The following NUP153 variants were observed in gnomAD, a reference collection of about 807,000 sequenced individuals.
NUP153 encodes nuclear pore complex protein Nup153.
NUP153 carries 27 observed loss-of-function variants against 134.6 expected under a neutral mutation model. The observed-to-expected ratio is 0.20, with a 90% CI of 0.15 to 0.28. The LOEUF is 0.28. NUP153 is among the 10% of genes least tolerant of loss of function. The pLI is 1.00. For synonymous variants in NUP153, 640 were observed against 623.5 expected (o/e 1.03, Z -0.40); for missense variants, 1,821 against 1,731.3 (o/e 1.05, Z -0.92).
At chr6:17,641,506 G>T (rs528243241) in intron 14 of NUP153, among the ~76,000 whole-genome samples, 3 of 152,222 alleles carry the variant, frequency 2.0e-5, no homozygotes, top group African/African-American at 7.2e-5. Flanking sequence ...CTGTACTCCA[G>T]CCTGGTGACA....
At chr6:17,693,078 C>T (rs1769380674) in intron 1 of NUP153, among the ~76,000 whole-genome samples, 1 of 151,984 alleles carries the variant, frequency 6.6e-6, no homozygotes, top group South Asian at 2.1e-4. Flanking sequence ...CCTAGTGTTT[C>T]CCAAACTTTA....
Position 17,654,324 on chromosome 6 carries a change from A to AT in NUP153, c.1396-5025dup, listed in dbSNP as rs34451625. Among the ~76,000 whole-genome samples, 712 of 145,032 alleles carry AT rather than the reference A, an allele frequency of 4.9e-3. 2 individuals are homozygous for AT. The highest frequency in any genetic ancestry group is 7.8e-3 in the African/African-American group (312 of 39,752). On this transcript the variant is annotated intron_variant, in intron 11 of 21. Transcript: ENST00000262077. ...TCCTTATATTACTGACCTTGAACCA[A>AT]TTTTTTTTTTTTTTGAGACGGAGTT...
chr6:17,703,937 G>A (rs1770290662), intron 1 of NUP153, among the ~76,000 whole-genome samples: 2 of 152,194 alleles, frequency 1.3e-5, no homozygotes, highest in Admixed American at 1.3e-4. Flanking sequence ...GATCATAGGT[G>A]TTATGCTGTT....
At chr6:17,689,433 A>C (rs910224590) in intron 1 of NUP153, among the ~76,000 whole-genome samples, 2 of 152,024 alleles carry the variant, frequency 1.3e-5, no homozygotes, top group Admixed American at 1.3e-4. Context: ...AAACAATCCA[A>C]CAAAAATAAA....
intron 9 of NUP153, 88 bp downstream of exon 9, chr6:17,665,151 G>T: frequency 2.1e-6 from 2 of 946,130 alleles, no homozygotes; most frequent in South Asian, 1.8e-5. Context: ...ACAGTTGCTA[G>T]AATACAATGG....
At chr6:17,667,708 G>A (rs1490216551) in intron 8 of NUP153, among the ~76,000 whole-genome samples, 6 of 152,010 alleles carry the variant, frequency 3.9e-5, no homozygotes, top group South Asian at 2.1e-4. Flanking sequence ...AGAGCGAGAC[G>A]CTGCCTCAAA....
chr6:17,681,458 G>A (rs1475850456), intron 2 of NUP153, among the ~76,000 whole-genome samples: 5 of 152,082 alleles, frequency 3.3e-5, no homozygotes, highest in African/African-American at 4.8e-5. Context: ...GGTGGCGGGC[G>A]CCTGTAGTCC....
intron 17 of NUP153, among the ~76,000 whole-genome samples, chr6:17,630,984 C>T (rs1032571407): frequency 6.6e-6 from 1 of 152,104 alleles, no homozygotes; most frequent in African/African-American, 2.4e-5. Context: ...TACCACACTA[C>T]AGGTAGAGAA....
intron 1 of NUP153, among the ~76,000 whole-genome samples, chr6:17,691,055 T>C (rs907498864): frequency 1.3e-5 from 2 of 151,944 alleles, no homozygotes; most frequent in Non-Finnish European, 2.9e-5. Flanking sequence ...GGCAGGAAAA[T>C]TGCTTGGAAC....
At position 17,691,673 on chromosome 6, in the gene NUP153, G is replaced by A. The variant is rs12212627; in HGVS notation, c.112-3055C>T. Among the ~76,000 whole-genome samples the A allele has an allele frequency of 8.9e-3, 1,353 of 152,178 alleles. 10 individuals carry two copies. The highest frequency in any genetic ancestry group is 0.014 in the Non-Finnish European group (938 of 68,000). ...CCAGTTACTAGAGAGGCTGAGGCAGGAGAATCGCTTGAACGTGGGAGGCAG... is the reference window on the plus strand; with the variant it reads ...CCAGTTACTAGAGAGGCTGAGGCAGAAGAATCGCTTGAACGTGGGAGGCAG... On this transcript the variant is annotated intron_variant, in intron 1 of 21. Transcript: ENST00000262077.
intron 9 of NUP153, among the ~76,000 whole-genome samples, chr6:17,663,260 C>CACACAT (rs1389702878): frequency 9.6e-4 from 134 of 140,074 alleles, no homozygotes; most frequent in African/African-American, 3.2e-3. Flanking sequence ...CACACACACA[C>CACACAT]ATATATATAT....
At chr6:17,685,421 C>A (rs1025231769) in intron 2 of NUP153, among the ~76,000 whole-genome samples, 1 of 151,982 alleles carries the variant, frequency 6.6e-6, no homozygotes, top group Non-Finnish European at 1.5e-5. Context: ...TGGTGGCGGG[C>A]ACCTGCAGTC....
rs1215027880 is a variant in NUP153, at chr6:17,680,028, T to C, written c.335-4258A>G. Among the ~76,000 whole-genome samples, 3 of 152,190 alleles carry C rather than the reference T, an allele frequency of 2.0e-5. No individual in the cohort carries two copies. The highest frequency in any genetic ancestry group is 4.4e-5 in the Non-Finnish European group (3 of 68,040). On this transcript the variant is annotated intron_variant, in intron 2 of 21. Coordinates refer to ENST00000262077, the MANE Select transcript of NUP153 (RefSeq NM_005124.4). The surrounding 1 kb of genome is among the most constrained non-coding windows in gnomAD (Gnocchi z 4.5). ...GGTGCTTTGCCCAGCCCAGCCTGCA[T>C]ACCTTACCCCATGTCAATTCCTGCG...
In NUP153 at chr6:17,675,336, G is replaced by C. The variant is rs748373449; in HGVS notation, c.616C>G (p.Pro206Ala). The C allele has an allele frequency of 2.5e-6, 4 of 1,614,030 alleles. No individual in the cohort carries two copies. Among genetic ancestry groups the C allele is most frequent in the Non-Finnish European group, 2.5e-6 (3 of 1,179,988 alleles). ...ITVSKNTSLP[P>A]LWSPEAERSH... Reference sequence around the variant, plus strand: ...CGTTCAGCTTCTGGGGACCACAGAGGTGGCAATGAAGTGTTCTTTGAAACA... The same window carrying C: ...CGTTCAGCTTCTGGGGACCACAGAGCTGGCAATGAAGTGTTCTTTGAAACA... Residue 206 changes from proline (P) to alanine (A), a missense_variant, in exon 4 of 22, where the codon CCT (proline) becomes GCT (alanine). Coordinates refer to ENST00000262077, the MANE Select transcript of NUP153 (RefSeq NM_005124.4). The surrounding 1 kb of genome is among the most constrained non-coding windows in gnomAD (Gnocchi z 4.4).
chr6:17,616,413 A>AT (rs1166182916), intron 21 of NUP153, 114 bp downstream of exon 21: 17 of 949,240 alleles, frequency 1.8e-5, no homozygotes, highest in Non-Finnish European at 2.5e-5. Context: ...GTTGGAGAAC[A>AT]TATTTAATTT....
At position 17,629,329 on chromosome 6, in the gene NUP153, C is replaced by T. The variant is rs1765107925; in HGVS notation, c.2870G>A (p.Gly957Glu). 1 of 1,608,444 alleles carries T rather than the reference C, an allele frequency of 6.2e-7. No individual in the cohort carries two copies. Among genetic ancestry groups the T allele is most frequent in the Non-Finnish European group, 8.5e-7 (1 of 1,178,462 alleles). ...AGATGAAACTCCAAATTTAAAATCTCCTATTGGTTTAGAAAATTTAAAGCC... is the reference window on the plus strand; with the variant it reads ...AGATGAAACTCCAAATTTAAAATCTTCTATTGGTTTAGAAAATTTAAAGCC... ...SEGFKFSKPI[G>E]DFKFGVSSES... Residue 957 changes from glycine to glutamate, a missense_variant, in exon 18 of 22, where the codon GGA (glycine) becomes GAA (glutamate). By Grantham distance (98) the Gly-to-Glu change is moderately conservative (BLOSUM62 -2). Transcript: ENST00000262077.
chr6:17,665,516 C>G (rs1361966002), intron 8 of NUP153, 131 bp from the exon 9 acceptor site: 1 of 660,396 alleles, frequency 1.5e-6, no homozygotes, highest in Admixed American at 3.1e-5. Context: ...TAGATACAAA[C>G]AAATAAGAGG....
intron 20 of NUP153, among the ~76,000 whole-genome samples, chr6:17,620,773 T>C (rs1391472088): frequency 6.6e-6 from 1 of 152,130 alleles, no homozygotes; most frequent in African/African-American, 2.4e-5. Flanking sequence ...AAGTAGCCCC[T>C]GGAAGCCAAA....
In NUP153 at chr6:17,649,191, A is replaced by G; in HGVS notation, c.1505T>C (p.Ile502Thr). ...GTTTGTTAATGCTTGAGACGAATTG[A>G]TGGGTGATGGAGAGGAAGTTGTGAT... ...PEITTSSPSP[I>T]NSSQALTNKV... The change falls in exon 12 of 22, where the codon ATC (isoleucine) becomes ACC (threonine). Residue 502 changes from isoleucine to threonine, a missense_variant. Transcript: ENST00000262077. 6.2e-7 allele frequency: 1 copy of G among 1,613,658 alleles called. No individual in the cohort carries two copies. Among genetic ancestry groups the G allele is most frequent in the Non-Finnish European group, 8.5e-7 (1 of 1,179,838 alleles).
Sources: allele counts gnomAD v4.1 joint callset (sites outside exome capture counted in the v4.1 genomes callset), GRCh38; gene constraint gnomAD v4.1.1; non-coding constraint Gnocchi (gnomAD v3.1); transcripts MANE v1.5; gene names NCBI Gene and HGNC (gene_info 2026-07-23, HGNC 2026-07-21).